DENND11: variants seen among roughly 807,000 people sequenced by gnomAD.
The protein encoded by DENND11 is DENN domain containing 11, also known as DENN domain-containing protein 11.
DENND11 carries 34 observed loss-of-function variants against 49.2 expected under a neutral mutation model. The observed-to-expected ratio is 0.69, with a 90% CI of 0.53 to 0.92. The LOEUF is 0.92. DENND11 is among the 40% of genes least tolerant of loss of function. The probability of loss-of-function intolerance (pLI) is 0.00; values close to 1 mark genes in which losing one functional copy is unlikely to be tolerated. For synonymous variants in DENND11, 238 were observed against 230.3 expected (o/e 1.03, Z -0.30); for missense variants, 475 against 581.6 (o/e 0.82, Z 1.88).
rs994368575 is a variant in DENND11 at position 141,685,555 on chromosome 7, C to T, written c.450G>A (p.Arg150=). The T allele has an allele frequency of 6.2e-7, 1 of 1,613,872 alleles. No individual in the cohort carries two copies. Among genetic ancestry groups the T allele is most frequent in the African/African-American group, 1.3e-5 (1 of 74,924 alleles). The change falls in exon 3 of 9, where the codon CGG becomes CGA. Residue 150 remains arginine, a synonymous_variant. Transcript: ENST00000536163. ...GAGAGAGGATGCCCACAGACTTCAT[C>T]CGCGCGCCACGTTCCAGCTCGCTCT... ...PVESELERGA[R]MKSVGILSPS...
At chr7:141,677,354 G>A (rs1798073402) in intron 3 of DENND11, among the ~76,000 whole-genome samples, 1 of 146,302 alleles carries the variant, frequency 6.8e-6, no homozygotes, top group East Asian at 2.0e-4. Flanking sequence ...TCACGCCATT[G>A]CATCCAGCCT....
Position 141,662,683 on chromosome 7 carries a change from C to A in DENND11, c.1341G>T (p.Leu447=). Reference sequence around the variant, plus strand: ...ACGGGCAACAGGGGTTGTCGATAACCAGCATGACATCAATGCCATAGGCCT... The same window carrying A: ...ACGGGCAACAGGGGTTGTCGATAACAAGCATGACATCAATGCCATAGGCCT... ...LLEAYGIDVM[L]VIDNPCCP Residue 447 remains leucine, a synonymous_variant, in exon 9 of 9, where the codon CTG becomes CTT. Coordinates refer to ENST00000536163, the MANE Select transcript of DENND11 (RefSeq NM_001080392.2). 6.2e-7 allele frequency: 1 copy of A among 1,600,548 alleles called. No homozygotes were observed. Among genetic ancestry groups the A allele is most frequent in the Admixed American group, 1.7e-5 (1 of 57,374 alleles).
intron 3 of DENND11, among the ~76,000 whole-genome samples, chr7:141,674,479 G>T (rs1798035178): frequency 6.6e-6 from 1 of 152,130 alleles, no homozygotes; most frequent in Admixed American, 6.6e-5. Context: ...TTTTTCTCAT[G>T]GGAAACAGAC....
intron 8 of DENND11, 105 bp from the exon 9 acceptor site, chr7:141,662,956 A>G: frequency 1.3e-6 from 1 of 759,474 alleles, no homozygotes; most frequent in Non-Finnish European, 2.0e-6. Flanking sequence ...TGTTTAATGT[A>G]CTTTTCAGTG....
At chr7:141,677,611 G>T (rs1798084324) in intron 3 of DENND11, among the ~76,000 whole-genome samples, 1 of 151,158 alleles carries the variant, frequency 6.6e-6, no homozygotes, top group South Asian at 2.1e-4. Flanking sequence ...TTTACTGCGG[G>T]TGCAGGGATA....
At chr7:141,681,672 G>A (rs1473234430) in intron 3 of DENND11, among the ~76,000 whole-genome samples, 1 of 152,190 alleles carries the variant, frequency 6.6e-6, no homozygotes, top group African/African-American at 2.4e-5. Context: ...CAAACGAGAA[G>A]TCAATTTAGT....
intron 1 of DENND11, among the ~76,000 whole-genome samples, chr7:141,692,602 T>G (rs1400266889): frequency 2.0e-5 from 3 of 152,122 alleles, no homozygotes; most frequent in Non-Finnish European, 4.4e-5. Context: ...AGACACCTAC[T>G]TTACCCCTTT....
chr7:141,664,818 G>T, intron 7 of DENND11, 86 bp downstream of exon 7: 1 of 1,391,716 alleles, frequency 7.2e-7, no homozygotes, highest in Non-Finnish European at 9.7e-7. Context: ...CAGGGAAGGG[G>T]CAGAAGACAG....
chr7:141,681,014 T>C (rs1387688618), intron 3 of DENND11, among the ~76,000 whole-genome samples: 1 of 152,110 alleles, frequency 6.6e-6, no homozygotes, highest in Non-Finnish European at 1.5e-5. Context: ...AAAAACCATA[T>C]AGAGACACTG....
chr7:141,671,270 G>A (rs1051323454), intron 4 of DENND11, among the ~76,000 whole-genome samples: 18 of 152,096 alleles, frequency 1.2e-4, no homozygotes, highest in African/African-American at 2.7e-4. Context: ...TCTGCCTCCC[G>A]GGTTCAAGCA....
At chr7:141,700,955 G>A (rs1036398977) in intron 1 of DENND11, among the ~76,000 whole-genome samples, 2 of 152,020 alleles carry the variant, frequency 1.3e-5, no homozygotes, top group African/African-American at 4.8e-5. Flanking sequence ...TCACACCTGG[G>A]TTTCCTTAAG....
At chr7:141,689,730 A>C (rs1243623599) in intron 1 of DENND11, among the ~76,000 whole-genome samples, 1 of 152,238 alleles carries the variant, frequency 6.6e-6, no homozygotes, top group Non-Finnish European at 1.5e-5. Context: ...CCTCCCTCAT[A>C]GCAGCTCCAA....
At position 141,660,599 on chromosome 7, in the gene DENND11, G is replaced by T. The variant is rs898019272; in HGVS notation, c.*2057C>A. 6.6e-6 allele frequency: 1 copy of T among 152,182 alleles called. No individual in the cohort carries two copies. The highest frequency in any genetic ancestry group is 2.4e-5 in the African/African-American group (1 of 41,434). The allele number at this position is 152,182 out of a possible 1,614,324, so 9.4% of individuals were successfully genotyped here. On this transcript the variant is annotated 3_prime_UTR_variant, in exon 9 of 9. Coordinates refer to ENST00000536163, the MANE Select transcript of DENND11 (RefSeq NM_001080392.2). ...AGAAATGCCTCAAACAGCTCCTTCC[G>T]GCAGATTCCCTAATTCCAGAAAAAG... is the stretch of plus-strand genomic sequence containing the variant.
chr7:141,701,820 C>A, intron 1 of DENND11, 66 bp downstream of exon 1: 1 of 1,132,156 alleles, frequency 8.8e-7, no homozygotes, highest in Non-Finnish European at 1.1e-6. Flanking sequence ...AGCCCCTCCC[C>A]CGCGCCCCCA....
At position 141,661,247 on chromosome 7, in the gene DENND11, TCAC is replaced by T. The variant is rs1797788416; in HGVS notation, c.*1406_*1408del. 1 of 152,186 alleles carries T rather than the reference TCAC, an allele frequency of 6.6e-6. No homozygotes were observed. Among genetic ancestry groups the T allele is most frequent in the Non-Finnish European group, 1.5e-5 (1 of 68,050 alleles). 9.4% of individuals were successfully genotyped at this position (152,186 alleles called of 1,614,324 possible). ...AGGGGGAAAAGGAAGACATTATTTGTCACCAACAACCCAGTATCCCAAGTCAAA... is the reference window on the plus strand; with the variant it reads ...AGGGGGAAAAGGAAGACATTATTTGTCAACAACCCAGTATCCCAAGTCAAA... On this transcript the variant is annotated 3_prime_UTR_variant, in exon 9 of 9. Transcript: ENST00000536163.
Position 141,686,604 on chromosome 7 carries a change from A to T in DENND11, c.323T>A (p.Phe108Tyr). The T allele has an allele frequency of 6.2e-7, 1 of 1,613,504 alleles. No homozygotes were observed. The highest frequency in any genetic ancestry group is 8.5e-7 in the Non-Finnish European group (1 of 1,179,588). ...ATGGGACCCACTGGCCATAGACTTG[A>T]ACTCAACACCTTCAAGGTCAATATC... ...PQDIDLEGVE[F>Y]KSMASGSHKI... is the part of the protein sequence containing the mutation. The change falls in exon 2 of 9, where the codon TTC becomes TAC. Residue 108 changes from phenylalanine to tyrosine, a missense_variant. Transcript: ENST00000536163.
At chr7:141,682,951 CAA>C (rs142106343) in intron 3 of DENND11, among the ~76,000 whole-genome samples, 15,771 of 100,616 alleles carry the variant, frequency 0.16, 1,172 homozygotes, top group East Asian at 0.41. Context: ...ACTTCTGAGA[CAA>C]AAAAAAAAAA....
At position 141,660,575 on chromosome 7, in the gene DENND11, G is replaced by A. The variant is rs1797773488; in HGVS notation, c.*2081C>T. 6.6e-6 allele frequency: 1 copy of A among 152,268 alleles called. No homozygotes were observed. The highest frequency in any genetic ancestry group is 2.1e-4 in the South Asian group (1 of 4,834). 9.4% of individuals were successfully genotyped at this position (152,268 alleles called of 1,614,324 possible). On this transcript the variant is annotated 3_prime_UTR_variant, in exon 9 of 9. Transcript: ENST00000536163. ...GTTTGCATATAGAAGGCTCAGAGCA[G>A]AAATGCCTCAAACAGCTCCTTCCGG...
rs775208026 is a variant in DENND11 at position 141,662,829 on chromosome 7, G to T, written c.1195C>A (p.Arg399=). The T allele has an allele frequency of 6.4e-7, 1 of 1,568,192 alleles. No homozygotes were observed. The highest frequency in any genetic ancestry group is 1.9e-5 in the Admixed American group (1 of 52,586). The change falls in exon 9 of 9, where the codon CGG becomes AGG. Residue 399 remains arginine, a synonymous_variant. Coordinates refer to ENST00000536163, the MANE Select transcript of DENND11 (RefSeq NM_001080392.2). Reference sequence around the variant, plus strand: ...ACCTCCAACAAAGTCTGAAATATCCGGTTGTTTTGTTCTAGGAAAAACCTG... The same window carrying T: ...ACCTCCAACAAAGTCTGAAATATCCTGTTGTTTTGTTCTAGGAAAAACCTG... ...FVLFFLEQNN[R]IFQTLLEVSA...
Sources: allele counts gnomAD v4.1 joint callset (sites outside exome capture counted in the v4.1 genomes callset), GRCh38; gene constraint gnomAD v4.1.1; transcripts MANE v1.5; gene names NCBI Gene and HGNC (gene_info 2026-07-23, HGNC 2026-07-21).